EHD3: variants seen among roughly 807,000 people sequenced by gnomAD.
EHD3 encodes the protein EH domain containing 3.
A neutral mutation model predicts 43.0 loss-of-function variants in EHD3; 17 were observed. The observed-to-expected ratio is 0.40, with a 90% CI of 0.27 to 0.59. EHD3 has a LOEUF of 0.59. EHD3 is among the 20% of genes least tolerant of loss of function. EHD3 has a pLI of 0.49. For missense variants in EHD3, 594 were observed against 705.6 expected (o/e 0.84, Z 1.79); for synonymous variants, 313 against 289.5 (o/e 1.08, Z -0.82).
chr2:31,266,855 C>A lies in EHD3; in HGVS notation c.*151C>A. On this transcript the variant is annotated 3_prime_UTR_variant, in exon 6 of 6. Coordinates refer to ENST00000322054, the MANE Select transcript of EHD3 (RefSeq NM_014600.3). This position sits in a 1 kb window ranked among gnomAD's most constrained non-coding sequence, Gnocchi z 5.1. ...CTCTGTAGGTGAGAGAGGACCATGA[C>A]GCCCATGTTTGCAGCTGATACTTGT... is the stretch of plus-strand genomic sequence containing the variant. 1 of 1,057,880 alleles carries A rather than the reference C, an allele frequency of 9.5e-7. No individual in the cohort carries two copies. Among genetic ancestry groups the A allele is most frequent in the Non-Finnish European group, 1.3e-6 (1 of 760,632 alleles). The allele number at this position is 1,057,880 out of a possible 1,614,324, so 65.5% of individuals were successfully genotyped here. A position where few individuals can be genotyped will look rare whatever the true frequency, so the allele number is the denominator to read the frequency against.
Position 31,261,655 on chromosome 2 carries a change from G to A in EHD3, c.1022G>A (p.Arg341Gln), listed in dbSNP as rs375110725. ...AACAACCTGGCCGAGATCTATGGCC[G>A]GATCGAGCGGGAGCACCAGATCTCA... ...LVNNLAEIYGRIEREHQISPG... is the reference protein window; with the variant it reads ...LVNNLAEIYGQIEREHQISPG... The change falls in exon 5 of 6, where the codon CGG becomes CAG. Residue 341 changes from arginine to glutamine, a missense_variant. Physicochemically the swap from Arg to Gln is conservative, Grantham distance 43 (BLOSUM62 1). Around this residue, in one of 3 missense-constraint regions of EHD3, gnomAD observed 322 missense variants for 348.0 expected, o/e 0.93. Coordinates refer to ENST00000322054, the MANE Select transcript of EHD3 (RefSeq NM_014600.3). 1.5e-5 allele frequency: 24 copies of A among 1,614,088 alleles called. 1 individual carries two copies. The highest frequency in any genetic ancestry group is 5.3e-5 in the African/African-American group (4 of 74,942).
At chr2:31,243,389 T>C (rs1160436936) in intron 1 of EHD3, among the ~76,000 whole-genome samples, 1 of 151,798 alleles carries the variant, frequency 6.6e-6, no homozygotes, top group South Asian at 2.1e-4. Flanking sequence ...AAAATACAGA[T>C]ACTAGAGGGT....
Position 31,266,300 on chromosome 2 carries a change from T to A in EHD3, c.1204T>A (p.Ser402Thr), listed in dbSNP as rs761331026. The A allele has an allele frequency of 3.2e-5, 51 of 1,613,168 alleles. No homozygotes were observed. Among genetic ancestry groups the A allele is most frequent in the Non-Finnish European group, 4.3e-5 (51 of 1,179,828 alleles). Residue 402 changes from serine to threonine, a missense_variant, in exon 6 of 6, where the codon TCA (serine) becomes ACA (threonine). By Grantham distance (58) the Ser-to-Thr change is moderately conservative (BLOSUM62 1). This residue lies in a region of EHD3 where 322 missense variants were observed against 348.0 expected (regional missense o/e 0.93). Coordinates refer to ENST00000322054, the MANE Select transcript of EHD3 (RefSeq NM_014600.3). The surrounding 1 kb of genome is among the most constrained non-coding windows in gnomAD (Gnocchi z 5.1). ...QLMVLVRQEE[S>T]QRPIQMVKGG... ...CATGGTGCTAGTGCGCCAGGAGGAG[T>A]CACAGCGGCCCATCCAGATGGTGAA...
At chr2:31,257,331 A>G (rs1683769481) in intron 3 of EHD3, among the ~76,000 whole-genome samples, 1 of 152,178 alleles carries the variant, frequency 6.6e-6, no homozygotes, top group Non-Finnish European at 1.5e-5. Context: ...GAAGGGAAGG[A>G]TGGACAGAGG....
At position 31,267,413 on chromosome 2, in the gene EHD3, G is replaced by A. The variant is rs560239127; in HGVS notation, c.*709G>A. The A allele has an allele frequency of 4.3e-4, 66 of 152,586 alleles. No individual in the cohort carries two copies. The highest frequency in any genetic ancestry group is 1.5e-3 in the African/African-American group (63 of 41,574). The allele number at this position is 152,586 out of a possible 1,614,324, so 9.5% of individuals were successfully genotyped here. ...TGTAGTCTATTGAAAACCAGTCAAG[G>A]TGGTTTTAGTTCATAGATTTTGTTA... On this transcript the variant is annotated 3_prime_UTR_variant, in exon 6 of 6. Transcript: ENST00000322054.
intron 3 of EHD3, among the ~76,000 whole-genome samples, chr2:31,249,674 A>G (rs575309923): frequency 3.2e-4 from 48 of 152,178 alleles, no homozygotes; most frequent in Non-Finnish European, 6.0e-4. Context: ...GGTCCACCGT[A>G]GCTCAGGAGA....
At chr2:31,255,139 G>A (rs1235066335) in intron 3 of EHD3, among the ~76,000 whole-genome samples, 2 of 152,222 alleles carry the variant, frequency 1.3e-5, no homozygotes, top group Non-Finnish European at 2.9e-5. Flanking sequence ...CTCCAGGCCC[G>A]GAGCTGGCTG....
rs1267474840 is a variant in EHD3, at chr2:31,267,027, G to A, written c.*323G>A. 3.4e-6 allele frequency: 1 copy of A among 291,450 alleles called. No individual in the cohort carries two copies. The highest frequency in any genetic ancestry group is 6.4e-6 in the Non-Finnish European group (1 of 157,446). The allele number at this position is 291,450 out of a possible 1,614,324, so 18.1% of individuals were successfully genotyped here. A position where few individuals can be genotyped will look rare whatever the true frequency, so the allele number is the denominator to read the frequency against. On this transcript the variant is annotated 3_prime_UTR_variant, in exon 6 of 6. Transcript: ENST00000322054. ...AGGCAATTCACTTGCCAGCACAGAT[G>A]GCCAACCCACCTCCAGATTCCCCAG...
intron 3 of EHD3, among the ~76,000 whole-genome samples, chr2:31,250,250 C>G (rs932080579): frequency 1.5e-4 from 22 of 149,678 alleles, no homozygotes; most frequent in Admixed American, 8.8e-4. Context: ...AGATGATCAT[C>G]ATCATCATCG....
At chr2:31,253,784 T>A (rs1472894650) in intron 3 of EHD3, among the ~76,000 whole-genome samples, 1 of 151,828 alleles carries the variant, frequency 6.6e-6, no homozygotes, top group Non-Finnish European at 1.5e-5. Flanking sequence ...TTCTGGGAGG[T>A]CCTGGGCCAG....
chr2:31,238,343 G>A (rs1360356344), intron 1 of EHD3, among the ~76,000 whole-genome samples: 2 of 152,186 alleles, frequency 1.3e-5, no homozygotes, highest in East Asian at 3.9e-4. Flanking sequence ...TATTCCCCCA[G>A]TTCTTGGCGT....
rs1295152667 is a variant in EHD3, at chr2:31,267,164, T to C, written c.*460T>C. 1.9e-5 allele frequency: 3 copies of C among 156,118 alleles called. No individual in the cohort carries two copies. The highest frequency in any genetic ancestry group is 4.8e-5 in the African/African-American group (2 of 41,524). 9.7% of individuals were successfully genotyped at this position (156,118 alleles called of 1,614,324 possible). On this transcript the variant is annotated 3_prime_UTR_variant, in exon 6 of 6. Coordinates refer to ENST00000322054, the MANE Select transcript of EHD3 (RefSeq NM_014600.3). ...CTTTGGCTTCCTAATAAGAAATCCA[T>C]TCAAGAGCTAGGAGATCTGAGGGCA...
intron 2 of EHD3, among the ~76,000 whole-genome samples, chr2:31,245,551 A>AT (rs1683501480): frequency 3.4e-4 from 11 of 32,258 alleles, no homozygotes; most frequent in Middle Eastern, 0.017. Flanking sequence ...ATATATATAT[A>AT]TATTTTTTTT....
Position 31,234,550 on chromosome 2 carries a change from T to A in EHD3, c.-72T>A, listed in dbSNP as rs1029828317. On this transcript the variant is annotated 5_prime_UTR_variant, in exon 1 of 6. Coordinates refer to ENST00000322054, the MANE Select transcript of EHD3 (RefSeq NM_014600.3). ...CGCGGCTCGGAGCCCGGCGGACCGG[T>A]CCTACGGGACATCTTCCCCTGAGGA... The A allele has an allele frequency of 6.4e-7, 1 of 1,552,604 alleles. No individual in the cohort carries two copies.
At chr2:31,235,226 C>G (rs1445235025) in intron 1 of EHD3, among the ~76,000 whole-genome samples, 1 of 152,094 alleles carries the variant, frequency 6.6e-6, no homozygotes, top group Non-Finnish European at 1.5e-5. Context: ...CACTTTTTAG[C>G]AACACATCAT....
intron 1 of EHD3, among the ~76,000 whole-genome samples, chr2:31,237,694 C>T (rs1279444388): frequency 2.6e-5 from 4 of 152,230 alleles, no homozygotes; most frequent in Non-Finnish European, 4.4e-5. Flanking sequence ...ACGTGAACCA[C>T]TGCGTCTGGC....
chr2:31,237,749 G>A (rs1033810943), intron 1 of EHD3, among the ~76,000 whole-genome samples: 2 of 152,124 alleles, frequency 1.3e-5, no homozygotes, highest in South Asian at 2.1e-4. Context: ...TGTTATAAGC[G>A]TTATTTGTCA....
chr2:31,244,342 C>T lies in EHD3; in HGVS notation c.296C>T (p.Ala99Val), dbSNP rs750580454. 4.3e-6 allele frequency: 7 copies of T among 1,614,172 alleles called. No individual in the cohort carries two copies. Among genetic ancestry groups the T allele is most frequent in the South Asian group, 3.3e-5 (3 of 91,084 alleles). The change falls in exon 2 of 6, where the codon GCG (alanine) becomes GTG (valine). Residue 99 changes from alanine to valine, a missense_variant. By Grantham distance (64) the Ala-to-Val change is moderately conservative. This residue lies in a region of EHD3 where 243 missense variants were observed against 296.7 expected (regional missense o/e 0.82). Transcript: ENST00000322054. ...GPEPTTDSFI[A>V]VMQGDMEGII... The stretch of plus-strand genomic sequence containing the variant: ...GAGCCCACCACAGACTCCTTCATTG[C>T]GGTGATGCAGGGAGACATGGAGGGG...
At chr2:31,263,064 C>T (rs968715435) in intron 5 of EHD3, among the ~76,000 whole-genome samples, 1 of 152,144 alleles carries the variant, frequency 6.6e-6, no homozygotes, top group African/African-American at 2.4e-5. Flanking sequence ...CTATAGTCCT[C>T]AATAGGCATT....
Sources: allele counts gnomAD v4.1 joint callset (sites outside exome capture counted in the v4.1 genomes callset), GRCh38; gene constraint gnomAD v4.1.1; regional missense constraint gnomAD v4.1.1; non-coding constraint Gnocchi (gnomAD v3.1); transcripts MANE v1.5; gene names NCBI Gene and HGNC (gene_info 2026-07-23, HGNC 2026-07-21).